Variants in PROSER2 observed in about 807,000 individuals in gnomAD.
PROSER2 encodes proline and serine-rich protein 2.
PROSER2 carries 18 observed loss-of-function variants against 14.6 expected under a neutral mutation model. That is an observed-to-expected ratio of 1.23 (90% confidence interval 0.85 to 1.83). The LOEUF (loss-of-function observed/expected upper bound fraction) is 1.83. Ranked by LOEUF, PROSER2 falls within the 40% of genes most tolerant of loss-of-function variation. The pLI is 0.00. For missense variants in PROSER2, 823 were observed against 629.8 expected, an observed-to-expected ratio of 1.31 and a Z score of -3.28; for synonymous variants, 367 against 286.4, an observed-to-expected ratio of 1.28 and a Z score of -2.84.
chr10:11,870,160 C>A lies in PROSER2; in HGVS notation c.1062C>A (p.Ser354Arg), dbSNP rs1437766261. Residue 354 changes from serine to arginine, a missense_variant, in exon 4 of 4, where the codon AGC (serine) becomes AGA (arginine). By Grantham distance (110) the Ser-to-Arg change is moderately radical (BLOSUM62 -1). Transcript: ENST00000277570. The part of the protein sequence containing the change: ...GFPSAHEALK[S>R]APSSFAPAGK... ...CAAGTGCGCACGAGGCCCTGAAGAGCGCACCCAGCTCCTTCGCGCCCGCTG... is the reference window on the plus strand; with the variant it reads ...CAAGTGCGCACGAGGCCCTGAAGAGAGCACCCAGCTCCTTCGCGCCCGCTG... The A allele has an allele frequency of 6.8e-7, 1 of 1,467,194 alleles. No individual in the cohort carries two copies. Among genetic ancestry groups the A allele is most frequent in the Non-Finnish European group, 9.0e-7 (1 of 1,116,494 alleles). 90.9% of individuals were successfully genotyped at this position (1,467,194 alleles called of 1,614,324 possible).
intron 3 of PROSER2, among the ~76,000 whole-genome samples, chr10:11,867,556 A>G (rs942858018): frequency 6.6e-6 from 1 of 152,180 alleles, no homozygotes; most frequent in East Asian, 1.9e-4. Context: ...CCTAGGAGGC[A>G]GAGGTTGCAG....
Position 11,870,953 on chromosome 10 carries a change from C to A in PROSER2, c.*547C>A, listed in dbSNP as rs1392952355. The A allele has an allele frequency of 6.5e-6, 1 of 153,528 alleles. No individual in the cohort carries two copies. Among genetic ancestry groups the A allele is most frequent in the South Asian group, 2.1e-4 (1 of 4,830 alleles). 9.5% of individuals were successfully genotyped at this position (153,528 alleles called of 1,614,324 possible). A position where few individuals can be genotyped will look rare whatever the true frequency, so the allele number is the denominator to read the frequency against. On this transcript the variant is annotated 3_prime_UTR_variant, in exon 4 of 4. Coordinates refer to ENST00000277570, the MANE Select transcript of PROSER2 (RefSeq NM_153256.4). Reference sequence around the variant, plus strand: ...TACTTTGCTTTTGTTTCTTGACGTACTTTAGTTTGCCCAGTTTTGTTTTTT... The same window carrying A: ...TACTTTGCTTTTGTTTCTTGACGTAATTTAGTTTGCCCAGTTTTGTTTTTT...
chr10:11,827,246 A>C (rs1382245288), intron 1 of PROSER2, among the ~76,000 whole-genome samples: 2 of 151,408 alleles, frequency 1.3e-5, no homozygotes, highest in African/African-American at 2.4e-5. Flanking sequence ...GTAGTATCTC[A>C]TGGTGGTTTT....
chr10:11,864,679 C>T (rs1337767311), intron 2 of PROSER2, among the ~76,000 whole-genome samples: 1 of 151,198 alleles, frequency 6.6e-6, no homozygotes, highest in African/African-American at 2.4e-5. Context: ...ACCTCTGCCT[C>T]CCAGGTTCAA....
intron 1 of PROSER2, among the ~76,000 whole-genome samples, chr10:11,840,262 T>C (rs1833817656): frequency 9.7e-6 from 1 of 103,412 alleles, no homozygotes; most frequent in Non-Finnish European, 2.2e-5. Flanking sequence ...TCATTTGTTG[T>C]CATTAAAAAA....
chr10:11,857,891 A>G (rs1834154012), intron 2 of PROSER2, among the ~76,000 whole-genome samples: 1 of 152,156 alleles, frequency 6.6e-6, no homozygotes, highest in Non-Finnish European at 1.5e-5. Context: ...AATCCCTCAC[A>G]GGGGGTTGCC....
intron 1 of PROSER2, among the ~76,000 whole-genome samples, chr10:11,825,472 C>A (rs1040035381): frequency 6.6e-6 from 1 of 152,178 alleles, no homozygotes; most frequent in African/African-American, 2.4e-5. Context: ...GCAACTCCGC[C>A]CCTGATTGAC....
At chr10:11,828,689 C>T (rs1016425930) in intron 1 of PROSER2, among the ~76,000 whole-genome samples, 4 of 152,090 alleles carry the variant, frequency 2.6e-5, no homozygotes, top group South Asian at 2.1e-4. Context: ...GACGACAGAG[C>T]GAGACTTTAT....
chr10:11,843,868 T>C (rs1454915890), intron 1 of PROSER2, among the ~76,000 whole-genome samples: 1 of 151,828 alleles, frequency 6.6e-6, no homozygotes, highest in Non-Finnish European at 1.5e-5. Context: ...AAGAATATTT[T>C]TATAGTACAT....
At chr10:11,851,416 G>C (rs922250403) in intron 1 of PROSER2, 5 of 152,236 alleles carry the variant, frequency 3.3e-5, no homozygotes, top group Admixed American at 1.3e-4. Flanking sequence ...GGAGATGTCA[G>C]CCAGGCTCCC....
chr10:11,844,390 T>C (rs1052735847), intron 1 of PROSER2, among the ~76,000 whole-genome samples: 1 of 152,232 alleles, frequency 6.6e-6, no homozygotes, highest in African/African-American at 2.4e-5. Context: ...ACTCTACATT[T>C]AACTCTTGTC....
chr10:11,855,473 CAAAA>C (rs71380787), intron 2 of PROSER2, among the ~76,000 whole-genome samples: 6 of 102,648 alleles, frequency 5.8e-5, no homozygotes, highest in Non-Finnish European at 9.8e-5. Context: ...GACTCCATCT[CAAAA>C]AAAAAAAAAA....
chr10:11,856,522 G>T lies in PROSER2; in HGVS notation c.138+4307G>T, dbSNP rs188701251. On this transcript the variant is annotated intron_variant, in intron 2 of 3. Transcript: ENST00000277570. This position sits in a 1 kb window ranked among gnomAD's most constrained non-coding sequence, Gnocchi z 5.3. ...GGAACAGCATGGCTGCTTTTGTGAG[G>T]GTGGCTGGGGACATCCCAAGTCTAC... Among the ~76,000 whole-genome samples the T allele has an allele frequency of 8.8e-4, 134 of 152,350 alleles. 1 individual carries two copies. The highest frequency in any genetic ancestry group is 2.9e-3 in the African/African-American group (119 of 41,572).
At chr10:11,826,165 ATG>A (rs1006994107) in intron 1 of PROSER2, among the ~76,000 whole-genome samples, 3 of 151,994 alleles carry the variant, frequency 2.0e-5, no homozygotes, top group African/African-American at 7.3e-5. Flanking sequence ...ACTTAGCACA[ATG>A]TTTTTCAAGG....
At position 11,856,395 on chromosome 10, in the gene PROSER2, C is replaced by T. The variant is rs149316889; in HGVS notation, c.138+4180C>T. On this transcript the variant is annotated intron_variant, in intron 2 of 3. Transcript: ENST00000277570. The surrounding 1 kb of genome is among the most constrained non-coding windows in gnomAD (Gnocchi z 5.3). ...TCTGAATGAGGTCCTGAAGTCGGGT[C>T]TGCCTTCACACATCCCGAAGCTTCC... Among the ~76,000 whole-genome samples the T allele has an allele frequency of 1.8e-4, 27 of 152,330 alleles. No individual in the cohort carries two copies. Among genetic ancestry groups the T allele is most frequent in the African/African-American group, 5.8e-4 (24 of 41,572 alleles).
rs1330425571 is a variant in PROSER2, at chr10:11,865,448, G to C, written c.139-1083G>C. Among the ~76,000 whole-genome samples the C allele has an allele frequency of 6.6e-6, 1 of 152,086 alleles. No individual in the cohort carries two copies. The highest frequency in any genetic ancestry group is 2.4e-5 in the African/African-American group (1 of 41,400). On this transcript the variant is annotated intron_variant, in intron 2 of 3. Coordinates refer to ENST00000277570, the MANE Select transcript of PROSER2 (RefSeq NM_153256.4). The surrounding 1 kb of genome is among the most constrained non-coding windows in gnomAD (Gnocchi z 4.2). Reference sequence around the variant, plus strand: ...AGTTGCTTTTCTATCCTTTGATTTTGATAGCTGTTTCACATTAACAGTTTT... The same window carrying C: ...AGTTGCTTTTCTATCCTTTGATTTTCATAGCTGTTTCACATTAACAGTTTT...
chr10:11,865,465 A>T lies in PROSER2; in HGVS notation c.139-1066A>T, dbSNP rs1010748068. On this transcript the variant is annotated intron_variant, in intron 2 of 3. Coordinates refer to ENST00000277570, the MANE Select transcript of PROSER2 (RefSeq NM_153256.4). This position sits in a 1 kb window ranked among gnomAD's most constrained non-coding sequence, Gnocchi z 4.2. The stretch of plus-strand genomic sequence containing the variant: ...TTGATTTTGATAGCTGTTTCACATT[A>T]ACAGTTTTCCTCAGATGCTCGGTGG... Among the ~76,000 whole-genome samples the T allele has an allele frequency of 2.6e-5, 4 of 152,200 alleles. No homozygotes were observed. The highest frequency in any genetic ancestry group is 4.4e-5 in the Non-Finnish European group (3 of 68,036).
chr10:11,860,029 ACT>A (rs1834204386), intron 2 of PROSER2, among the ~76,000 whole-genome samples: 1 of 151,510 alleles, frequency 6.6e-6, no homozygotes, highest in Non-Finnish European at 1.5e-5. Context: ...CCCCACCGGC[ACT>A]CTCTGCTTCT....
At chr10:11,829,123 T>C (rs1230995419) in intron 1 of PROSER2, among the ~76,000 whole-genome samples, 2 of 151,880 alleles carry the variant, frequency 1.3e-5, no homozygotes, top group Non-Finnish European at 2.9e-5. Flanking sequence ...GGCTCTCCTG[T>C]GGAGTAGACG....
Sources: gnomAD v4.1 joint callset for allele counts (sites outside exome capture counted in the v4.1 genomes callset) on GRCh38, gnomAD v4.1.1 for gene constraint, Gnocchi (gnomAD v3.1) non-coding constraint, MANE v1.5 for transcripts, NCBI Gene and HGNC (gene_info 2026-07-23, HGNC 2026-07-21) for gene names.